The following L3MBTL4 variants were observed in gnomAD, a reference collection of about 807,000 sequenced individuals.
L3MBTL4 encodes the protein L3MBTL histone methyl-lysine binding protein 4.
L3MBTL4 carries 70 observed loss-of-function variants against 84.5 expected under a neutral mutation model. The ratio of observed to expected loss-of-function variants is 0.83; its 90% CI spans 0.68 to 1.01. The LOEUF (loss-of-function observed/expected upper bound fraction) is 1.01. L3MBTL4 is among the 50% of genes least tolerant of loss of function. The pLI is 0.00. For missense variants in L3MBTL4, 715 were observed against 754.8 expected (o/e 0.95, Z 0.62); for synonymous variants, 274 against 259.8 (o/e 1.05, Z -0.52).
intron 16 of L3MBTL4, among the ~76,000 whole-genome samples, chr18:5,989,292 C>A (rs2145121544): frequency 6.6e-6 from 1 of 152,240 alleles, no homozygotes; most frequent in African/African-American, 2.4e-5. Context: ...CCAAACATGG[C>A]CTACAAAATG....
intron 3 of L3MBTL4, among the ~76,000 whole-genome samples, chr18:6,306,272 C>A (rs1599566019): frequency 6.6e-6 from 1 of 152,182 alleles, no homozygotes; most frequent in Non-Finnish European, 1.5e-5. Flanking sequence ...GACTTTTCTC[C>A]ATCACTCTAC....
chr18:6,101,789 AT>A (rs1412334627), intron 14 of L3MBTL4, among the ~76,000 whole-genome samples: 2 of 152,232 alleles, frequency 1.3e-5, no homozygotes, highest in African/African-American at 4.8e-5. Context: ...GTTCCTGTTG[AT>A]TACAGGTATT....
At chr18:5,983,115 T>C (rs1478666790) in intron 16 of L3MBTL4, among the ~76,000 whole-genome samples, 1 of 152,210 alleles carries the variant, frequency 6.6e-6, no homozygotes. Context: ...GGAAACACAG[T>C]CTTGTAAATT....
chr18:6,238,118 G>C (rs1378698927), intron 9 of L3MBTL4, 78 bp from the exon 10 acceptor site: 8 of 1,214,100 alleles, frequency 6.6e-6, no homozygotes, highest in South Asian at 6.0e-5. Flanking sequence ...AATCATTCTG[G>C]ATATCAACAG....
chr18:6,064,152 A>G (rs2057325408), intron 16 of L3MBTL4, among the ~76,000 whole-genome samples: 1 of 152,072 alleles, frequency 6.6e-6, no homozygotes, highest in Admixed American at 6.6e-5. Context: ...GCTTTGTTGA[A>G]GATTACTTGG....
At chr18:6,146,444 A>G (rs2042656090) in intron 13 of L3MBTL4, among the ~76,000 whole-genome samples, 1 of 152,132 alleles carries the variant, frequency 6.6e-6, no homozygotes, top group South Asian at 2.1e-4. Context: ...CAGCGAGTAG[A>G]GGAAGCGCTA....
intron 1 of L3MBTL4, among the ~76,000 whole-genome samples, chr18:6,386,407 CATGCATTCGCCAACT>C (rs964743684): frequency 1.1e-3 from 173 of 152,338 alleles, no homozygotes; most frequent in African/African-American, 3.9e-3. Context: ...AGATTCTTTT[CATGCATTCGCCAACT>C]ATTTTACTGA....
intron 16 of L3MBTL4, among the ~76,000 whole-genome samples, chr18:6,024,410 C>T (rs1368413421): frequency 6.6e-6 from 1 of 152,156 alleles, no homozygotes; most frequent in East Asian, 1.9e-4. Context: ...CTTTGTACTA[C>T]AATACAAATA....
intron 16 of L3MBTL4, chr18:6,031,390 G>T: frequency 2.0e-6 from 2 of 985,444 alleles, no homozygotes; most frequent in Non-Finnish European, 2.4e-6. Flanking sequence ...TATATGAGGT[G>T]CTACTTCTTT....
At chr18:6,316,466 T>C (rs1002899423) in intron 1 of L3MBTL4, among the ~76,000 whole-genome samples, 1 of 152,156 alleles carries the variant, frequency 6.6e-6, no homozygotes, top group African/African-American at 2.4e-5. Context: ...ATGCTGGTGC[T>C]CGTGAAGGGT....
At chr18:5,987,816 T>C (rs561906499) in intron 16 of L3MBTL4, among the ~76,000 whole-genome samples, 6 of 152,324 alleles carry the variant, frequency 3.9e-5, no homozygotes, top group African/African-American at 1.4e-4. Context: ...AAATCTATTA[T>C]GCCAATATTT....
intron 16 of L3MBTL4, 98 bp downstream of exon 16, chr18:6,080,783 A>G: frequency 1.1e-6 from 1 of 872,300 alleles, no homozygotes; most frequent in South Asian, 1.9e-5. Context: ...TCTTTCTACC[A>G]TTCCCTGTTG....
intron 17 of L3MBTL4, among the ~76,000 whole-genome samples, chr18:5,969,087 T>C (rs2052500606): frequency 1.3e-5 from 2 of 152,072 alleles, no homozygotes; most frequent in Admixed American, 6.5e-5. Context: ...TGATATGGAA[T>C]TGGAGGCTTA....
Position 5,955,107 on chromosome 18 carries a change from A to G in L3MBTL4, c.*1113T>C, listed in dbSNP as rs1567906071. 1 of 152,200 alleles carries G rather than the reference A, an allele frequency of 6.6e-6. No individual in the cohort carries two copies. The highest frequency in any genetic ancestry group is 1.5e-5 in the Non-Finnish European group (1 of 68,040). The allele number at this position is 152,200 out of a possible 1,614,324, so 9.4% of individuals were successfully genotyped here. On this transcript the variant is annotated 3_prime_UTR_variant, in exon 19 of 19. Transcript: ENST00000317931. ...ATTTGTAGCTGTTACTACCTGTAAAAGTAGTAAGAAGTGTCAGAAAAGAGG... is the reference window on the plus strand; with the variant it reads ...ATTTGTAGCTGTTACTACCTGTAAAGGTAGTAAGAAGTGTCAGAAAAGAGG...
chr18:6,090,433 C>A (rs968420415), intron 15 of L3MBTL4, among the ~76,000 whole-genome samples: 5 of 151,696 alleles, frequency 3.3e-5, no homozygotes, highest in Admixed American at 3.3e-4. Flanking sequence ...TAAAAATAAT[C>A]AAAAAATTGG....
chr18:5,957,380 A>G (rs2095233112), intron 18 of L3MBTL4, among the ~76,000 whole-genome samples: 1 of 152,178 alleles, frequency 6.6e-6, no homozygotes, highest in Non-Finnish European at 1.5e-5. Context: ...TGTTTTGACA[A>G]TTAAATATTT....
chr18:5,978,499 A>G (rs2053059488), intron 16 of L3MBTL4, among the ~76,000 whole-genome samples: 1 of 152,192 alleles, frequency 6.6e-6, no homozygotes, highest in Non-Finnish European at 1.5e-5. Flanking sequence ...AGGAGACACC[A>G]TAACTGAAGG....
At chr18:6,365,492 A>G (rs1258824234) in intron 1 of L3MBTL4, among the ~76,000 whole-genome samples, 1 of 152,208 alleles carries the variant, frequency 6.6e-6, no homozygotes, top group Non-Finnish European at 1.5e-5. Context: ...TCTACTGGCC[A>G]TGTCCTATTT....
At chr18:6,002,706 G>C (rs1188149370) in intron 16 of L3MBTL4, among the ~76,000 whole-genome samples, 1 of 151,834 alleles carries the variant, frequency 6.6e-6, no homozygotes. Flanking sequence ...AAAAAGAACT[G>C]AAAAAGGAAT....
Sources: allele counts gnomAD v4.1 joint callset (sites outside exome capture counted in the v4.1 genomes callset), GRCh38; gene constraint gnomAD v4.1.1; transcripts MANE v1.5; gene names NCBI Gene and HGNC (gene_info 2026-07-23, HGNC 2026-07-21).